PKP4: variants seen among roughly 807,000 people sequenced by gnomAD.
The protein encoded by PKP4 is plakophilin 4.
In PKP4, 90 loss-of-function variants were observed where a neutral mutation model predicts 145.1. The observed-to-expected ratio is 0.62, with a 90% CI of 0.52 to 0.74. The LOEUF (loss-of-function observed/expected upper bound fraction) is 0.74. Among genes scored for constraint, PKP4 ranks in the 30% least tolerant of loss-of-function variants. The pLI is 0.00. For synonymous variants in PKP4, 563 were observed against 577.2 expected, an observed-to-expected ratio of 0.98 and a Z score of 0.35; for missense variants, 1,340 against 1,482.7, an observed-to-expected ratio of 0.90 and a Z score of 1.58.
intron 3 of PKP4, among the ~76,000 whole-genome samples, chr2:158,599,707 A>G (rs1465392627): frequency 1.3e-5 from 2 of 152,188 alleles, no homozygotes; most frequent in African/African-American, 2.4e-5. Context: ...GCTATTGGAT[A>G]TCAACTCATG....
chr2:158,675,214 G>A (rs149861756), intron 19 of PKP4, among the ~76,000 whole-genome samples: 7 of 152,250 alleles, frequency 4.6e-5, no homozygotes, highest in African/African-American at 7.2e-5. Flanking sequence ...AGATTAGTAC[G>A]AGCTTGTCCA....
chr2:158,581,978 T>C (rs1418063099), intron 3 of PKP4, among the ~76,000 whole-genome samples: 1 of 152,222 alleles, frequency 6.6e-6, no homozygotes, highest in Non-Finnish European at 1.5e-5. Context: ...ACTATCAATA[T>C]ATTATAATGA....
intron 3 of PKP4, among the ~76,000 whole-genome samples, chr2:158,596,541 G>T (rs941061920): frequency 1.3e-5 from 2 of 151,202 alleles, no homozygotes; most frequent in Non-Finnish European, 2.9e-5. Context: ...GAACACTTAA[G>T]AATAATTTAG....
chr2:158,558,117 A>G (rs942067450), intron 2 of PKP4, among the ~76,000 whole-genome samples: 1 of 152,192 alleles, frequency 6.6e-6, no homozygotes, highest in Non-Finnish European at 1.5e-5. Context: ...TGTGCACCAT[A>G]TGACCATGGC....
intron 1 of PKP4, among the ~76,000 whole-genome samples, chr2:158,497,770 T>C (rs1033337292): frequency 6.6e-6 from 1 of 152,238 alleles, no homozygotes; most frequent in Non-Finnish European, 1.5e-5. Context: ...TAGTATTCAA[T>C]AGGTGGTTGC....
At chr2:158,463,936 C>T (rs551148293) in intron 1 of PKP4, among the ~76,000 whole-genome samples, 1 of 152,246 alleles carries the variant, frequency 6.6e-6, no homozygotes, top group East Asian at 1.9e-4. Context: ...CCCTGGGGCC[C>T]CTCGGGGCAG....
rs1355524000 is a variant in PKP4, at chr2:158,681,045, AAAT to A, written c.*371_*373del. On this transcript the variant is annotated 3_prime_UTR_variant, in exon 22 of 22. Coordinates refer to ENST00000389759, the MANE Select transcript of PKP4 (RefSeq NM_003628.6). ...TATGTTCTGATAGTTTGTACAGAAA[AAAT>A]AAAATGGATGCCCATGTTTTATTGC... The A allele has an allele frequency of 5.7e-6, 1 of 175,350 alleles. No homozygotes were observed. Among genetic ancestry groups the A allele is most frequent in the Non-Finnish European group, 1.2e-5 (1 of 82,662 alleles). The allele number at this position is 175,350 out of a possible 1,614,324, so 10.9% of individuals were successfully genotyped here. A position where few individuals can be genotyped will look rare whatever the true frequency, so the allele number is the denominator to read the frequency against.
intron 1 of PKP4, among the ~76,000 whole-genome samples, chr2:158,481,031 T>C (rs1405831691): frequency 1.3e-5 from 2 of 152,232 alleles, no homozygotes; most frequent in African/African-American, 2.4e-5. Context: ...TTCATCTATG[T>C]TGTAGCATAA....
chr2:158,475,124 G>A lies in PKP4; in HGVS notation c.-6+17906G>A, dbSNP rs577149734. Among the ~76,000 whole-genome samples the A allele has an allele frequency of 2.0e-3, 302 of 152,142 alleles. 3 individuals carry two copies. Among genetic ancestry groups the A allele is most frequent in the African/African-American group, 6.9e-3 (285 of 41,510 alleles). Reference sequence around the variant, plus strand: ...TTGTGTTGTGTTTTTTGTTCTTGTTGTCACCAGGGTAAGATCTCTGCTCTT... The same window carrying A: ...TTGTGTTGTGTTTTTTGTTCTTGTTATCACCAGGGTAAGATCTCTGCTCTT... On this transcript the variant is annotated intron_variant, in intron 1 of 21. Transcript: ENST00000389759.
chr2:158,489,013 G>A (rs368157184), intron 1 of PKP4, among the ~76,000 whole-genome samples: 40 of 152,220 alleles, frequency 2.6e-4, no homozygotes, highest in African/African-American at 7.0e-4. Flanking sequence ...CCGTTATTTC[G>A]TCATCTGTAC....
chr2:158,614,617 A>G (rs372663787), intron 4 of PKP4, among the ~76,000 whole-genome samples: 11 of 152,356 alleles, frequency 7.2e-5, no homozygotes, highest in East Asian at 1.9e-4. Flanking sequence ...CCAAATAAGA[A>G]TATTAGATTT....
At chr2:158,565,947 T>G (rs975359600) in intron 2 of PKP4, among the ~76,000 whole-genome samples, 3 of 152,206 alleles carry the variant, frequency 2.0e-5, no homozygotes, top group Non-Finnish European at 4.4e-5. Context: ...CTTGTACCTC[T>G]TGAGCCAGCT....
At chr2:158,583,099 GA>G (rs1332503491) in intron 3 of PKP4, among the ~76,000 whole-genome samples, 1 of 152,196 alleles carries the variant, frequency 6.6e-6, no homozygotes, top group African/African-American at 2.4e-5. Flanking sequence ...TCTTCAGAGG[GA>G]AATATGTCCT....
At chr2:158,644,463 A>G (rs1352443262) in intron 11 of PKP4, among the ~76,000 whole-genome samples, 1 of 152,200 alleles carries the variant, frequency 6.6e-6, no homozygotes, top group Non-Finnish European at 1.5e-5. Context: ...CATTGCTTGT[A>G]ATAATAATTC....
intron 2 of PKP4, among the ~76,000 whole-genome samples, chr2:158,554,492 C>A (rs937891789): frequency 1.3e-5 from 2 of 150,596 alleles, no homozygotes; most frequent in Non-Finnish European, 2.9e-5. Context: ...GTGGTGCAAT[C>A]TTGGCTCACT....
intron 19 of PKP4, among the ~76,000 whole-genome samples, chr2:158,674,829 C>A (rs942643067): frequency 2.0e-5 from 3 of 152,100 alleles, no homozygotes; most frequent in Admixed American, 2.0e-4. Context: ...TAAATATTAT[C>A]TATTTTATTC....
chr2:158,520,756 T>A (rs1305882671), intron 1 of PKP4, among the ~76,000 whole-genome samples: 11 of 152,238 alleles, frequency 7.2e-5, no homozygotes, highest in African/African-American at 2.4e-4. Context: ...GTGGTGGTCA[T>A]TTCCTTGCCA....
chr2:158,577,223 G>A (rs2047928455), intron 2 of PKP4, 48 bp from the exon 3 acceptor site: 1 of 1,129,724 alleles, frequency 8.9e-7, no homozygotes, highest in African/African-American at 1.5e-5. Context: ...ATCTGCCTGA[G>A]CAGCATACCT....
At chr2:158,500,116 A>T (rs1696327961) in intron 1 of PKP4, among the ~76,000 whole-genome samples, 1 of 152,240 alleles carries the variant, frequency 6.6e-6, no homozygotes, top group Non-Finnish European at 1.5e-5. Context: ...TGAATAATCA[A>T]GGCAGGTTAA....
Sources: gnomAD v4.1 joint callset for allele counts (sites outside exome capture counted in the v4.1 genomes callset) on GRCh38, gnomAD v4.1.1 for gene constraint, MANE v1.5 for transcripts, NCBI Gene and HGNC (gene_info 2026-07-23, HGNC 2026-07-21) for gene names.